Variants in HIBADH observed in about 807,000 individuals in gnomAD.
HIBADH encodes 3-hydroxyisobutyrate dehydrogenase, mitochondrial.
HIBADH carries 25 observed loss-of-function variants against 36.1 expected under a neutral mutation model. The ratio of observed to expected loss-of-function variants is 0.69; its 90% CI spans 0.50 to 0.97. The LOEUF (loss-of-function observed/expected upper bound fraction) is 0.97. HIBADH is among the 50% of genes least tolerant of loss of function. The probability of loss-of-function intolerance (pLI) is 0.00; values close to 1 mark genes in which losing one functional copy is unlikely to be tolerated. For synonymous variants in HIBADH, 160 were observed against 149.5 expected (o/e 1.07, Z -0.51); for missense variants, 421 against 418.0 (o/e 1.01, Z -0.06).
At chr7:27,656,064 T>C (rs1786298132) in intron 1 of HIBADH, among the ~76,000 whole-genome samples, 1 of 152,188 alleles carries the variant, frequency 6.6e-6, no homozygotes. Flanking sequence ...CCAGCCAACT[T>C]TGTCTTAAAG....
chr7:27,603,135 T>C (rs1048768279), intron 4 of HIBADH, among the ~76,000 whole-genome samples: 1 of 152,220 alleles, frequency 6.6e-6, no homozygotes, highest in African/African-American at 2.4e-5. Flanking sequence ...GATGTTTTAT[T>C]ACCTTGGCAG....
At chr7:27,577,409 G>A (rs140387951) in intron 4 of HIBADH, among the ~76,000 whole-genome samples, 4,419 of 151,802 alleles carry the variant, frequency 0.029, 88 homozygotes, top group Middle Eastern at 0.054. Flanking sequence ...GTGATCTGCC[G>A]ACCTCGGCCT....
chr7:27,547,435 T>C (rs1784249724), intron 4 of HIBADH, among the ~76,000 whole-genome samples: 1 of 152,216 alleles, frequency 6.6e-6, no homozygotes. Context: ...CATTTGTTTC[T>C]GGTCTGTATC....
chr7:27,609,047 G>A lies in HIBADH; in HGVS notation c.484+20324C>T, dbSNP rs188103274. Among the ~76,000 whole-genome samples the A allele has an allele frequency of 1.5e-3, 221 of 152,316 alleles. 2 individuals are homozygous for A. Among genetic ancestry groups the A allele is most frequent in the South Asian group, 0.012 (59 of 4,832 alleles). On this transcript the variant is annotated intron_variant, in intron 4 of 7. Coordinates refer to ENST00000265395, the MANE Select transcript of HIBADH (RefSeq NM_152740.4). The stretch of plus-strand genomic sequence containing the variant: ...CTTCAGGTCTGGAGATAAAGGAATT[G>A]CAAACTGCAAAAGTAAATTTTTAGA...
intron 4 of HIBADH, among the ~76,000 whole-genome samples, chr7:27,592,588 C>T (rs543161759): frequency 2.6e-5 from 4 of 152,092 alleles, no homozygotes; most frequent in African/African-American, 9.6e-5. Context: ...CTTGTAAAGC[C>T]TAAATTTAAG....
intron 2 of HIBADH, among the ~76,000 whole-genome samples, chr7:27,635,788 G>T (rs1307423011): frequency 1.0e-5 from 1 of 97,300 alleles, no homozygotes; most frequent in Non-Finnish European, 1.9e-5. Context: ...TGTCAAGGCT[G>T]CCCCAGACAG....
In HIBADH at chr7:27,540,628, T is replaced by C. The variant is rs138368896; in HGVS notation, c.619-2211A>G. On this transcript the variant is annotated intron_variant, in intron 5 of 7. Transcript: ENST00000265395. ...ATGGTGTAATCTTTCCAGATTTTCA[T>C]GTTCTATCAGGGTTTTCTTCCACAG... Among the ~76,000 whole-genome samples the C allele has an allele frequency of 8.5e-5, 13 of 152,330 alleles. 1 individual carries two copies. The East Asian group carries it at 2.3e-3, about 27-fold the overall frequency.
intron 4 of HIBADH, among the ~76,000 whole-genome samples, chr7:27,583,192 T>C (rs1157121812): frequency 6.6e-6 from 1 of 152,110 alleles, no homozygotes; most frequent in African/African-American, 2.4e-5. Context: ...AGGGAAGCTT[T>C]ATTAAGCATT....
chr7:27,551,061 A>G (rs1784311244), intron 4 of HIBADH, among the ~76,000 whole-genome samples: 1 of 152,160 alleles, frequency 6.6e-6, no homozygotes, highest in African/African-American at 2.4e-5. Context: ...AGTTTGGCCA[A>G]TCTACAATGT....
At chr7:27,527,331 G>A (rs1429890932) in intron 7 of HIBADH, among the ~76,000 whole-genome samples, 1 of 152,148 alleles carries the variant, frequency 6.6e-6, no homozygotes, top group Non-Finnish European at 1.5e-5. Flanking sequence ...CTTTGATATG[G>A]AAAATAAACT....
At chr7:27,560,072 T>G (rs534058083) in intron 4 of HIBADH, among the ~76,000 whole-genome samples, 11 of 152,338 alleles carry the variant, frequency 7.2e-5, no homozygotes, top group Middle Eastern at 6.8e-3. Context: ...AATTCTGCCC[T>G]AAGTTTTAGT....
intron 4 of HIBADH, among the ~76,000 whole-genome samples, chr7:27,579,975 C>G (rs12667470): frequency 0.21 from 31,570 of 151,438 alleles, 4,245 homozygotes; most frequent in East Asian, 0.55. Context: ...ATACAAAAAC[C>G]GCACTGCATG....
At chr7:27,594,412 G>C (rs1344753180) in intron 4 of HIBADH, among the ~76,000 whole-genome samples, 1 of 151,984 alleles carries the variant, frequency 6.6e-6, no homozygotes, top group Non-Finnish European at 1.5e-5. Flanking sequence ...CAAAGTGCTG[G>C]GATTACAGGC....
At chr7:27,544,525 A>G (rs111658239) in intron 4 of HIBADH, among the ~76,000 whole-genome samples, 9,296 of 152,318 alleles carry the variant, frequency 0.061, 409 homozygotes, top group Non-Finnish European at 0.092. Flanking sequence ...TTATAACATT[A>G]AAGTGACTGC....
chr7:27,627,042 A>G (rs1278124040), intron 4 of HIBADH, among the ~76,000 whole-genome samples: 1 of 152,176 alleles, frequency 6.6e-6, no homozygotes, highest in African/African-American at 2.4e-5. Flanking sequence ...GCCAGGCTTT[A>G]GGCAGAATTA....
At chr7:27,631,073 T>A (rs1785738690) in intron 3 of HIBADH, among the ~76,000 whole-genome samples, 1 of 152,220 alleles carries the variant, frequency 6.6e-6, no homozygotes, top group Non-Finnish European at 1.5e-5. Context: ...TCAAACTTTT[T>A]AAAAACACTC....
chr7:27,551,906 A>G (rs867101688), intron 4 of HIBADH, among the ~76,000 whole-genome samples: 14 of 152,144 alleles, frequency 9.2e-5, no homozygotes, highest in Admixed American at 4.6e-4. Context: ...TTAAAATGCA[A>G]TTGTTCTAAT....
At chr7:27,649,218 A>G in intron 2 of HIBADH, 1 of 320,228 alleles carries the variant, frequency 3.1e-6, no homozygotes, top group Non-Finnish European at 5.6e-6. Context: ...ATACAGAGCT[A>G]AAACAAGGCC....
intron 4 of HIBADH, among the ~76,000 whole-genome samples, chr7:27,587,849 T>C (rs1178223093): frequency 6.6e-6 from 1 of 152,190 alleles, no homozygotes. Context: ...CATCATAAAA[T>C]GAGACATTTT....
Sources: allele counts gnomAD v4.1 joint callset (sites outside exome capture counted in the v4.1 genomes callset), GRCh38; gene constraint gnomAD v4.1.1; transcripts MANE v1.5; gene names NCBI Gene and HGNC (gene_info 2026-07-23, HGNC 2026-07-21).